The following FLNB variants were observed in gnomAD, a reference collection of about 807,000 sequenced individuals.
FLNB encodes filamin-B.
FLNB carries 111 observed loss-of-function variants against 250.6 expected under a neutral mutation model. That is an observed-to-expected ratio of 0.44 (90% CI 0.38 to 0.52). The LOEUF is 0.52. FLNB is among the 20% of genes least tolerant of loss of function. The pLI, the probability that FLNB is intolerant of heterozygous loss-of-function variation, is 0.00. For synonymous variants in FLNB, 1,302 were observed against 1,372.1 expected (o/e 0.95, Z 1.13); for missense variants, 2,869 against 3,447.8 (o/e 0.83, Z 4.20).
chr3:58,056,093 A>ATTTT (rs1338835387), intron 1 of FLNB, among the ~76,000 whole-genome samples: 1 of 131,246 alleles, frequency 7.6e-6, no homozygotes, highest in Non-Finnish European at 1.5e-5. Flanking sequence ...TTATTTATTT[A>ATTTT]TTTATTTATT....
rs1425322294 is a variant in FLNB at position 58,170,703 on chromosome 3, G to A, written c.7750G>A (p.Ala2584Thr). Residue 2584 changes from alanine (A) to threonine (T), a missense_variant, in exon 46 of 46, where the codon GCT becomes ACT. Ala to Thr is a moderately conservative substitution (Grantham distance 58, BLOSUM62 0). Transcript: ENST00000295956. ...CAAGGAGAGGGGCGATTATGTGCTG[G>A]CTGTGAAGTGGGGGGAGGAACACAT... ...VVKERGDYVL[A>T]VKWGEEHIPG... The A allele has an allele frequency of 2.5e-6, 4 of 1,614,060 alleles. No homozygotes were observed. In the African/African-American group the frequency reaches 5.3e-5, roughly 22 times the overall value.
intron 16 of FLNB, 47 bp from the exon 17 acceptor site, chr3:58,111,744 G>C: frequency 7.0e-7 from 1 of 1,419,230 alleles, no homozygotes. Flanking sequence ...CTGAGCTCTG[G>C]CTGTTGCTTC....
In FLNB at chr3:58,156,501, A is replaced by C. The variant is rs371164190; in HGVS notation, c.6888+426A>C. 3.0e-4 allele frequency among the ~76,000 whole-genome samples: 46 copies of C among 152,304 alleles called. No individual in the cohort carries two copies. In the South Asian group the frequency reaches 4.1e-3, roughly 14 times the overall value. On this transcript the variant is annotated intron_variant, in intron 41 of 45. Coordinates refer to ENST00000295956, the MANE Select transcript of FLNB (RefSeq NM_001457.4). The stretch of plus-strand genomic sequence containing the variant: ...CAGTTGCAACTTACTGTGATTCATT[A>C]ATAAGTGTGCAGGGAACTATATTAA...
chr3:58,055,770 C>G (rs2097169446), intron 1 of FLNB, among the ~76,000 whole-genome samples: 1 of 152,096 alleles, frequency 6.6e-6, no homozygotes, highest in Admixed American at 6.6e-5. Context: ...TTTCTTTCCA[C>G]TTAATAATAT....
intron 1 of FLNB, among the ~76,000 whole-genome samples, chr3:58,013,479 A>T (rs2097101816): frequency 6.6e-6 from 1 of 152,160 alleles, no homozygotes; most frequent in Non-Finnish European, 1.5e-5. Flanking sequence ...TCTTTCTTGC[A>T]TGTCTAGCAG....
intron 4 of FLNB, among the ~76,000 whole-genome samples, chr3:58,083,707 T>C (rs2106977379): frequency 6.6e-6 from 1 of 152,266 alleles, no homozygotes; most frequent in Non-Finnish European, 1.5e-5. Flanking sequence ...GGTCGAGTCT[T>C]CTCATCTGAC....
At chr3:58,111,610 G>A (rs1258925714) in intron 16 of FLNB, among the ~76,000 whole-genome samples, 181 bp from the exon 17 acceptor site, 1 of 152,172 alleles carries the variant, frequency 6.6e-6, no homozygotes, top group Non-Finnish European at 1.5e-5. Flanking sequence ...GTTATAGAAG[G>A]CCCTTTCCCA....
At chr3:58,102,670 C>CTCTT (rs2097253046) in intron 9 of FLNB, among the ~76,000 whole-genome samples, 1 of 152,206 alleles carries the variant, frequency 6.6e-6, no homozygotes, top group African/African-American at 2.4e-5. Context: ...GAGAGGAAGG[C>CTCTT]TCTTGCCTAA....
In FLNB at chr3:58,110,437, T is replaced by A. The variant is rs577923029; in HGVS notation, c.2484+267T>A. On this transcript the variant is annotated intron_variant, in intron 16 of 45. Transcript: ENST00000295956. ...TACCACCACCCAGCTAATTTTTTTT[T>A]AATTTGTTTTTATTTTTTTATTTTT... is the stretch of plus-strand genomic sequence containing the variant. Among the ~76,000 whole-genome samples, 52 of 149,932 alleles carry A rather than the reference T, an allele frequency of 3.5e-4. No individual in the cohort carries two copies. In the East Asian group the frequency reaches 4.7e-3, roughly 13 times the overall value.
In FLNB at chr3:58,146,938, G is replaced by T. The variant is rs1575457744; in HGVS notation, c.5673G>T (p.Leu1891=). The T allele has an allele frequency of 6.2e-7, 1 of 1,614,068 alleles. No individual in the cohort carries two copies. Among genetic ancestry groups the T allele is most frequent in the Non-Finnish European group, 8.5e-7 (1 of 1,180,042 alleles). The change falls in exon 34 of 46, where the codon CTG becomes CTT. Residue 1891 remains leucine (L), a synonymous_variant. Coordinates refer to ENST00000295956, the MANE Select transcript of FLNB (RefSeq NM_001457.4). ...CTCTGCCAGGCGACTACAGCATTCT[G>T]GTCAAGTACAATGACAAGCACATCC... ...LPTLPGDYSI[L]VKYNDKHIPG...
Position 58,132,882 on chromosome 3 carries a change from G to C in FLNB, c.4465G>C (p.Gly1489Arg). ...HTVTYTPSQE[G>R]PYMVSVKYAD... ...AGTAACCTACACCCCATCTCAGGAG[G>C]GACCTTACATGGTCTCAGTTAAATA... Residue 1489 changes from glycine to arginine, a missense_variant, in exon 26 of 46, where the codon GGA becomes CGA. Gly to Arg is a moderately radical substitution (Grantham distance 125). This residue lies in a region of FLNB where 126 missense variants were observed against 182.0 expected (regional missense o/e 0.69). Coordinates refer to ENST00000295956, the MANE Select transcript of FLNB (RefSeq NM_001457.4). The C allele has an allele frequency of 6.2e-7, 1 of 1,614,060 alleles. No individual in the cohort carries two copies. Among genetic ancestry groups the C allele is most frequent in the Non-Finnish European group, 8.5e-7 (1 of 1,179,978 alleles).
intron 29 of FLNB, among the ~76,000 whole-genome samples, chr3:58,141,505 AATTT>A (rs1419311781): frequency 6.6e-6 from 1 of 152,116 alleles, no homozygotes; most frequent in African/African-American, 2.4e-5. Context: ...GACTCACCAG[AATTT>A]ATTTGACCAA....
At chr3:58,035,227 G>A (rs892331473) in intron 1 of FLNB, among the ~76,000 whole-genome samples, 1 of 152,130 alleles carries the variant, frequency 6.6e-6, no homozygotes, top group Non-Finnish European at 1.5e-5. Context: ...CACCTCACAG[G>A]CAGATCAAAC....
chr3:58,153,597 G>A lies in FLNB; in HGVS notation c.6590G>A (p.Arg2197Gln), dbSNP rs749488943. The A allele has an allele frequency of 2.0e-5, 33 of 1,614,016 alleles. No homozygotes were observed. The highest frequency in any genetic ancestry group is 8.9e-5 in the East Asian group (4 of 44,900). The change falls in exon 39 of 46, where the codon CGG (arginine) becomes CAG (glutamine). Residue 2197 changes from arginine to glutamine, a missense_variant. This residue lies in a region of FLNB where 1,084 missense variants were observed against 1,315.5 expected (regional missense o/e 0.82). Transcript: ENST00000295956. ...GGTGAAGGAGGCGCCCACAAGGTGCGGGCAGGAGGCCCTGGCCTGGAGAGA... is the reference window on the plus strand; with the variant it reads ...GGTGAAGGAGGCGCCCACAAGGTGCAGGCAGGAGGCCCTGGCCTGGAGAGA... ...PLGEGGAHKV[R>Q]AGGPGLERGE... is the part of the protein sequence containing the mutation.
intron 35 of FLNB, 82 bp from the exon 36 acceptor site, chr3:58,148,567 T>C: frequency 7.6e-7 from 1 of 1,316,836 alleles, no homozygotes; most frequent in Admixed American, 1.8e-5. Context: ...AAAGAGGACA[T>C]ATTTCTATTT....
intron 12 of FLNB, 83 bp downstream of exon 12, chr3:58,106,956 T>A (rs1481645955): frequency 2.0e-6 from 2 of 991,614 alleles, no homozygotes; most frequent in Non-Finnish European, 3.2e-6. Context: ...TTAAGCAGCA[T>A]GTTGAGAGAT....
intron 1 of FLNB, among the ~76,000 whole-genome samples, chr3:58,053,709 G>A (rs999273405): frequency 6.6e-6 from 1 of 151,986 alleles, no homozygotes; most frequent in Non-Finnish European, 1.5e-5. Flanking sequence ...TGATCTGCCC[G>A]CCTCGGCCTC....
Position 58,121,373 on chromosome 3 carries a change from G to T in FLNB, c.2996G>T (p.Arg999Leu). The change falls in exon 20 of 46, where the codon CGG becomes CTG. Residue 999 changes from arginine (R) to leucine (L), a missense_variant. By Grantham distance (102) the Arg-to-Leu change is moderately radical. Transcript: ENST00000295956. ...TGCCTAGTGACACCTGTGACAGGCC[G>T]GGAGAACAGCACGGCCAAGTTCATC... ...VPCLVTPVTG[R>L]ENSTAKFIPR... 1 of 1,614,144 alleles carries T rather than the reference G, an allele frequency of 6.2e-7. No homozygotes were observed. The highest frequency in any genetic ancestry group is 8.5e-7 in the Non-Finnish European group (1 of 1,180,030).
At position 58,124,461 on chromosome 3, in the gene FLNB, A is replaced by G. The variant is rs780788300; in HGVS notation, c.3854A>G (p.Asn1285Ser). The G allele has an allele frequency of 1.2e-6, 2 of 1,614,206 alleles. No individual in the cohort carries two copies. Among genetic ancestry groups the G allele is most frequent in the South Asian group, 2.2e-5 (2 of 91,084 alleles). Residue 1285 changes from asparagine (N) to serine (S), a missense_variant, in exon 22 of 46, where the codon AAT becomes AGT. Physicochemically the swap from Asn to Ser is conservative, Grantham distance 46 (BLOSUM62 1). Around this residue, in one of 5 missense-constraint regions of FLNB, gnomAD observed 1,348 missense variants for 1,466.7 expected, o/e 0.92. Transcript: ENST00000295956. The part of the protein sequence containing the change: ...GASTECFVTD[N>S]ADGTYQVEYT... ...TCCACCGAGTGCTTTGTCACAGACA[A>G]TGCGGATGGGACCTACCAGGTGGAA...
Sources: gnomAD v4.1 joint callset for allele counts (sites outside exome capture counted in the v4.1 genomes callset) on GRCh38, gnomAD v4.1.1 for gene constraint, gnomAD v4.1.1 regional missense constraint, MANE v1.5 for transcripts, NCBI Gene and HGNC (gene_info 2026-07-23, HGNC 2026-07-21) for gene names.